PAPSS2: variants seen among roughly 807,000 people sequenced by gnomAD.
The protein encoded by PAPSS2 is bifunctional 3'-phosphoadenosine 5'-phosphosulfate synthase 2.
A neutral mutation model predicts 66.5 loss-of-function variants in PAPSS2; 61 were observed. The observed-to-expected ratio is 0.92, with a 90% CI of 0.75 to 1.14. The LOEUF (loss-of-function observed/expected upper bound fraction) is 1.14. PAPSS2 is among the 50% of genes most tolerant of loss of function. The pLI is 0.00. For missense variants in PAPSS2, 708 were observed against 789.6 expected (o/e 0.90, Z 1.24); for synonymous variants, 289 against 287.5 (o/e 1.01, Z -0.05).
intron 9 of PAPSS2, among the ~76,000 whole-genome samples, chr10:87,739,505 C>T (rs1322239384): frequency 1.3e-5 from 2 of 152,122 alleles, no homozygotes; most frequent in African/African-American, 2.4e-5. Context: ...TCCGATTTTT[C>T]CCCCAGGGTC....
At position 87,714,727 on chromosome 10, in the gene PAPSS2, C is replaced by A; in HGVS notation, c.521-18C>A. 7.7e-7 allele frequency: 1 copy of A among 1,294,038 alleles called. No homozygotes were observed. Among genetic ancestry groups the A allele is most frequent in the South Asian group, 1.2e-5 (1 of 84,362 alleles). The allele number at this position is 1,294,038 out of a possible 1,614,324, so 80.2% of individuals were successfully genotyped here. Reference sequence around the variant, plus strand: ...CTGTCAATACAGATGCGATGATTGTCACCCATATGCTTTGCAGGATTTACA... The same window carrying A: ...CTGTCAATACAGATGCGATGATTGTAACCCATATGCTTTGCAGGATTTACA... On this transcript the variant is annotated intron_variant, in intron 4 of 12. Coordinates refer to ENST00000456849, the MANE Select transcript of PAPSS2 (RefSeq NM_001015880.2).
intron 9 of PAPSS2, among the ~76,000 whole-genome samples, chr10:87,739,613 G>C (rs1459063634): frequency 6.6e-6 from 1 of 152,184 alleles, no homozygotes; most frequent in East Asian, 1.9e-4. Context: ...AAAACTGAGG[G>C]TCCCCAAGAC....
intron 1 of PAPSS2, among the ~76,000 whole-genome samples, chr10:87,699,773 C>T (rs1204186825): frequency 6.7e-6 from 1 of 150,236 alleles, no homozygotes; most frequent in Non-Finnish European, 1.5e-5. Context: ...TCACTTGAAC[C>T]CGGGACGCAG....
At chr10:87,719,924 T>C (rs560557434) in intron 7 of PAPSS2, among the ~76,000 whole-genome samples, 2 of 152,268 alleles carry the variant, frequency 1.3e-5, no homozygotes, top group African/African-American at 4.8e-5. Flanking sequence ...CTCGCTCTGT[T>C]GCCCAGGCTG....
chr10:87,688,974 ACT>A (rs1853127811), intron 1 of PAPSS2, among the ~76,000 whole-genome samples: 1 of 151,022 alleles, frequency 6.6e-6, no homozygotes, highest in African/African-American at 2.5e-5. Context: ...AAAAAAAAAA[ACT>A]GTATGGAAAG....
chr10:87,699,743 G>A (rs1348822047), intron 1 of PAPSS2, among the ~76,000 whole-genome samples: 4 of 151,582 alleles, frequency 2.6e-5, no homozygotes, highest in South Asian at 2.1e-4. Context: ...CCAGATACTC[G>A]GGAGGCTGAG....
chr10:87,665,486 C>T (rs909613105), intron 1 of PAPSS2, among the ~76,000 whole-genome samples: 1 of 152,208 alleles, frequency 6.6e-6, no homozygotes, highest in East Asian at 1.9e-4. Flanking sequence ...GCTGGGATTA[C>T]AGGCGTGAGC....
chr10:87,681,854 A>G (rs1036694293), intron 1 of PAPSS2, among the ~76,000 whole-genome samples: 24 of 152,190 alleles, frequency 1.6e-4, no homozygotes, highest in Non-Finnish European at 1.9e-4. Context: ...AGATTCATTC[A>G]TGTTGCTGCA....
At chr10:87,744,854 A>G in intron 11 of PAPSS2, 148 bp from the exon 12 acceptor site, 1 of 703,098 alleles carries the variant, frequency 1.4e-6, no homozygotes, top group South Asian at 1.6e-5. Flanking sequence ...GAGTGCACGG[A>G]GTCTTAGAAC....
intron 9 of PAPSS2, among the ~76,000 whole-genome samples, chr10:87,737,001 T>C (rs941826989): frequency 6.6e-6 from 1 of 152,078 alleles, no homozygotes; most frequent in African/African-American, 2.4e-5. Context: ...GAGTGTGTGG[T>C]CCACCCTGGA....
Position 87,714,989 on chromosome 10 carries a change from T to C in PAPSS2, c.644T>C (p.Ile215Thr). The C allele has an allele frequency of 6.3e-7, 1 of 1,598,914 alleles. No homozygotes were observed. Among genetic ancestry groups the C allele is most frequent in the Admixed American group, 1.7e-5 (1 of 59,982 alleles). ...QVVELLQEQN[I>T]VPYTIIKDIH... ...ACCAATGCTGTTTCATTTCAGAACA[T>C]TGTACCCTATACTATAATCAAAGAT... Residue 215 changes from isoleucine to threonine, a missense_variant, in exon 6 of 13, where the codon ATT becomes ACT. Physicochemically the swap from Ile to Thr is moderately conservative, Grantham distance 89. Transcript: ENST00000456849.
intron 1 of PAPSS2, among the ~76,000 whole-genome samples, chr10:87,706,104 ATATATGTGTG>A (rs1251181304): frequency 7.7e-5 from 6 of 78,082 alleles, no homozygotes; most frequent in African/African-American, 5.1e-4. Context: ...ATATATATAT[ATATATGTGTG>A]TGTGTGTGTG....
At position 87,746,126 on chromosome 10, in the gene PAPSS2, TATAC is replaced by T; in HGVS notation, c.*158_*161del. On this transcript the variant is annotated 3_prime_UTR_variant, in exon 13 of 13. Transcript: ENST00000456849. ...CTATAATTAAAAAAAAATATATATA[TATAC>T]ACACACACATATACATACAAAGTCA... 1.7e-6 allele frequency: 1 copy of T among 580,432 alleles called. No individual in the cohort carries two copies. The allele number at this position is 580,432 out of a possible 1,614,324, so 36.0% of individuals were successfully genotyped here.
At chr10:87,661,277 G>A (rs1465793335) in intron 1 of PAPSS2, among the ~76,000 whole-genome samples, 2 of 152,120 alleles carry the variant, frequency 1.3e-5, no homozygotes, top group Non-Finnish European at 2.9e-5. Context: ...TGGACCAGCA[G>A]GAGGGTCCAG....
chr10:87,706,985 G>A (rs547990567), intron 1 of PAPSS2, among the ~76,000 whole-genome samples: 14 of 152,242 alleles, frequency 9.2e-5, no homozygotes, highest in Admixed American at 2.0e-4. Context: ...TGAGCAGAAC[G>A]TCTAGCTTTA....
intron 1 of PAPSS2, among the ~76,000 whole-genome samples, chr10:87,674,372 G>A (rs1385457252): frequency 6.6e-6 from 1 of 152,028 alleles, no homozygotes; most frequent in Non-Finnish European, 1.5e-5. Flanking sequence ...CACCATGTTG[G>A]CCAGGCTGGT....
At chr10:87,665,599 G>A (rs1852806426) in intron 1 of PAPSS2, among the ~76,000 whole-genome samples, 2 of 152,174 alleles carry the variant, frequency 1.3e-5, no homozygotes, top group Admixed American at 6.5e-5. Context: ...CAACTTCCCA[G>A]GGACCACCCT....
chr10:87,738,405 CTGTGTGTGTGTA>C (rs1341181133), intron 9 of PAPSS2, among the ~76,000 whole-genome samples: 1 of 148,040 alleles, frequency 6.8e-6, no homozygotes, highest in Non-Finnish European at 1.5e-5. Context: ...TTTTTCTTTT[CTGTGTGTGTGTA>C]TGTGTGTGTG....
At chr10:87,684,241 T>C (rs1248028049) in intron 1 of PAPSS2, among the ~76,000 whole-genome samples, 2 of 152,266 alleles carry the variant, frequency 1.3e-5, no homozygotes, top group Non-Finnish European at 1.5e-5. Context: ...GGTTTTTGGC[T>C]GGACTGACTG....
Sources: allele counts gnomAD v4.1 joint callset (sites outside exome capture counted in the v4.1 genomes callset), GRCh38; gene constraint gnomAD v4.1.1; transcripts MANE v1.5; gene names NCBI Gene and HGNC (gene_info 2026-07-23, HGNC 2026-07-21).